RPN1: variants seen among roughly 807,000 people sequenced by gnomAD.
RPN1 encodes dolichyl-diphosphooligosaccharide--protein glycosyltransferase subunit 1.
RPN1 carries 12 observed loss-of-function variants against 55.5 expected under a neutral mutation model. The ratio of observed to expected loss-of-function variants is 0.22; its 90% CI spans 0.14 to 0.35. The LOEUF is 0.35. Among genes scored for constraint, RPN1 ranks in the 10% least tolerant of loss-of-function variants. The probability of loss-of-function intolerance (pLI) is 1.00; values close to 1 mark genes in which losing one functional copy is unlikely to be tolerated. For synonymous variants in RPN1, 317 were observed against 305.9 expected (o/e 1.04, Z -0.38); for missense variants, 679 against 761.3 (o/e 0.89, Z 1.27).
intron 3 of RPN1, among the ~76,000 whole-genome samples, chr3:128,635,820 A>T (rs746749162): frequency 2.7e-5 from 4 of 149,620 alleles, no homozygotes; most frequent in African/African-American, 4.9e-5. Context: ...CCATATATAC[A>T]TATATATATA....
rs1304399175 is a variant in RPN1, at chr3:128,638,121, G to A, written c.327-16C>T. 1 of 1,599,916 alleles carries A rather than the reference G, an allele frequency of 6.3e-7. No homozygotes were observed. The highest frequency in any genetic ancestry group is 1.1e-5 in the South Asian group (1 of 90,532). Reference sequence around the variant, plus strand: ...GAATCTCCCACTAAAGGAAGAACAAGGCAAGAGAAGTAAGAGAGACTGAGG... The same window carrying A: ...GAATCTCCCACTAAAGGAAGAACAAAGCAAGAGAAGTAAGAGAGACTGAGG... On this transcript the variant is annotated splice_polypyrimidine_tract_variant and intron_variant, in intron 2 of 9. Coordinates refer to ENST00000296255, the MANE Select transcript of RPN1 (RefSeq NM_002950.4).
rs781423370 is a variant in RPN1, at chr3:128,632,071, A to G, written c.720T>C (p.Gly240=). The stretch of plus-strand genomic sequence containing the variant: ...CCACATTTTCTTCCACAGCAATATT[A>G]CCCCAGTGAGAGACTTCAATGACTC... The part of the protein sequence containing the change: ...MTRVIEVSHW[G]NIAVEENVDL... The change falls in exon 4 of 10, where the codon GGT becomes GGC. Residue 240 remains glycine (G), a synonymous_variant. Coordinates refer to ENST00000296255, the MANE Select transcript of RPN1 (RefSeq NM_002950.4). 1.0e-4 allele frequency: 161 copies of G among 1,614,022 alleles called. No individual in the cohort carries two copies. Among genetic ancestry groups the G allele is most frequent in the Non-Finnish European group, 1.3e-4 (158 of 1,180,040 alleles).
Position 128,622,325 on chromosome 3 carries a change from G to C in RPN1, c.1480C>G (p.Arg494Gly). ...TLVNKRIGLYRHFDETVNRYK... is the reference protein window; with the variant it reads ...TLVNKRIGLYGHFDETVNRYK... ...CTATTGACGGTCTCGTCAAAGTGAC[G>C]GTAAAGGCCTATTCTCTTGTTGACC... is the stretch of plus-strand genomic sequence containing the variant. The change falls in exon 9 of 10, where the codon CGT (arginine) becomes GGT (glycine). Residue 494 changes from arginine to glycine, a missense_variant. Physicochemically the swap from Arg to Gly is moderately radical, Grantham distance 125. Transcript: ENST00000296255. 1 of 1,614,200 alleles carries C rather than the reference G, an allele frequency of 6.2e-7. No individual in the cohort carries two copies. The highest frequency in any genetic ancestry group is 1.3e-5 in the African/African-American group (1 of 75,040).
intron 1 of RPN1, among the ~76,000 whole-genome samples, chr3:128,647,167 G>C (rs999014667): frequency 4.0e-5 from 6 of 151,816 alleles, no homozygotes; most frequent in African/African-American, 1.5e-4. Flanking sequence ...AAGGGAGAAG[G>C]GTATACATAT....
intron 5 of RPN1, among the ~76,000 whole-genome samples, chr3:128,627,767 TCTC>T (rs2069609964): frequency 4.5e-4 from 1 of 2,210 alleles, no homozygotes; most frequent in African/African-American, 1.9e-3. Flanking sequence ...CAAGACTCCA[TCTC>T]AAAAAAAAAA....
intron 4 of RPN1, among the ~76,000 whole-genome samples, chr3:128,631,603 G>A (rs1358541697): frequency 2.0e-5 from 3 of 151,998 alleles, no homozygotes; most frequent in African/African-American, 7.3e-5. Flanking sequence ...TTAGCCAGGT[G>A]TAGTGGTGCA....
intron 3 of RPN1, among the ~76,000 whole-genome samples, chr3:128,635,771 T>C (rs1319873634): frequency 2.0e-5 from 3 of 149,990 alleles, no homozygotes; most frequent in African/African-American, 4.9e-5. Flanking sequence ...TACGTGTGTG[T>C]ATATATATAA....
intron 6 of RPN1, among the ~76,000 whole-genome samples, chr3:128,626,241 C>A (rs563972444): frequency 6.6e-6 from 1 of 152,280 alleles, no homozygotes; most frequent in East Asian, 1.9e-4. Context: ...ACAACTGTCC[C>A]TCTGAATCCT....
intron 2 of RPN1, among the ~76,000 whole-genome samples, chr3:128,638,750 G>C (rs529708757): frequency 9.8e-5 from 15 of 152,344 alleles, no homozygotes; most frequent in African/African-American, 3.1e-4. Flanking sequence ...TGAATTTCCT[G>C]AGGTCAGGAG....
In RPN1 at chr3:128,622,202, A is replaced by T. The variant is rs2069565029; in HGVS notation, c.1603T>A (p.Ser535Thr). The change falls in exon 9 of 10, where the codon TCC becomes ACC. Residue 535 changes from serine to threonine, a missense_variant. Physicochemically the swap from Ser to Thr is moderately conservative, Grantham distance 58. Transcript: ENST00000296255. The part of the protein sequence containing the change: ...ALTSEIALLQ[S>T]RLKTEGSDLC... ...TCAGAGCCCTCTGTCTTCAGCCTGG[A>T]CTGCAGCAGTGCAATCTCACTGGTC... 1.9e-6 allele frequency: 3 copies of T among 1,614,156 alleles called. No homozygotes were observed. The South Asian group carries it at 3.3e-5, about 18-fold the overall frequency.
chr3:128,650,785 C>T lies in RPN1; in HGVS notation c.16G>A (p.Ala6Thr), dbSNP rs1218824277. 13 of 1,535,022 alleles carry T rather than the reference C, an allele frequency of 8.5e-6. No homozygotes were observed. The highest frequency in any genetic ancestry group is 9.7e-6 in the Non-Finnish European group (11 of 1,138,348). MEAPA[A>T]GLFLLLLLGT... ...AGCAACAGGAGCAGAAACAAGCCGG[C>T]GGCTGGCGCCTCCATGACCGGGAAG... The change falls in exon 1 of 10, where the codon GCC (alanine) becomes ACC (threonine). Residue 6 changes from alanine (A) to threonine (T), a missense_variant. Around this residue, in one of 3 missense-constraint regions of RPN1, gnomAD observed 352 missense variants for 352.8 expected, o/e 1.00. Transcript: ENST00000296255.
chr3:128,633,755 C>T (rs955811883), intron 3 of RPN1, among the ~76,000 whole-genome samples: 1 of 151,934 alleles, frequency 6.6e-6, no homozygotes, highest in Non-Finnish European at 1.5e-5. Context: ...GAGGCCAAGG[C>T]GGGCAGATCA....
chr3:128,644,221 T>C (rs1265971036), intron 2 of RPN1, among the ~76,000 whole-genome samples: 3 of 152,212 alleles, frequency 2.0e-5, no homozygotes, highest in Admixed American at 1.3e-4. Flanking sequence ...TGATCTGATA[T>C]AGAAAGTAAC....
At chr3:128,624,255 C>T (rs1016453497) in intron 8 of RPN1, among the ~76,000 whole-genome samples, 10 of 152,214 alleles carry the variant, frequency 6.6e-5, no homozygotes, top group East Asian at 1.9e-4. Context: ...GAGGCCGAGG[C>T]GGGTGGATCA....
rs759106667 is a variant in RPN1, at chr3:128,638,000, G to A, written c.432C>T (p.Thr144=). The change falls in exon 3 of 10, where the codon ACC becomes ACT. Residue 144 remains threonine, a synonymous_variant. Transcript: ENST00000296255. The part of the protein sequence containing the change: ...VYTHVLHPYP[T]QITQSEKQFV... Reference sequence around the variant, plus strand: ...ACTGTTTCTCTGACTGGGTGATCTGGGTTGGATACGGATGAAGCACATGGG... The same window carrying A: ...ACTGTTTCTCTGACTGGGTGATCTGAGTTGGATACGGATGAAGCACATGGG... 68 of 1,614,122 alleles carry A rather than the reference G, an allele frequency of 4.2e-5. No individual in the cohort carries two copies. The Middle Eastern group carries it at 8.2e-4, about 20-fold the overall frequency.
At chr3:128,632,304 T>C (rs1259196627) in intron 3 of RPN1, 147 bp from the exon 4 acceptor site, 4 of 676,516 alleles carry the variant, frequency 5.9e-6, no homozygotes, top group Non-Finnish European at 9.9e-6. Flanking sequence ...TTTAAAATTA[T>C]GTTTACTAGG....
intron 3 of RPN1, among the ~76,000 whole-genome samples, chr3:128,635,764 G>A (rs536909802): frequency 5.7e-4 from 84 of 148,356 alleles, no homozygotes; most frequent in Non-Finnish European, 1.1e-3. Flanking sequence ...ATATATATAC[G>A]TGTGTGTATA....
chr3:128,625,842 C>T (rs757853471), intron 7 of RPN1, 32 bp downstream of exon 7: 9 of 1,593,152 alleles, frequency 5.6e-6, no homozygotes, highest in East Asian at 2.2e-5. Context: ...CTGGGGAAGA[C>T]GCCATGGAAG....
At chr3:128,640,436 G>A (rs534072155) in intron 2 of RPN1, among the ~76,000 whole-genome samples, 5 of 152,040 alleles carry the variant, frequency 3.3e-5, no homozygotes, top group African/African-American at 4.8e-5. Flanking sequence ...CAACTGTGAC[G>A]TTCACTACTC....
Sources: allele counts gnomAD v4.1 joint callset (sites outside exome capture counted in the v4.1 genomes callset), GRCh38; gene constraint gnomAD v4.1.1; regional missense constraint gnomAD v4.1.1; transcripts MANE v1.5; gene names NCBI Gene and HGNC (gene_info 2026-07-23, HGNC 2026-07-21).